JAM2: variants seen among roughly 807,000 people sequenced by gnomAD.
JAM2 encodes junctional adhesion molecule B.
In JAM2, 17 loss-of-function variants were observed where a neutral mutation model predicts 42.0. The observed-to-expected ratio is 0.40, with a 90% CI of 0.28 to 0.61. JAM2 has a LOEUF of 0.61. Ranked by LOEUF, JAM2 falls within the 20% of genes least tolerant of loss-of-function variation. The pLI is 0.37. For synonymous variants in JAM2, 118 were observed against 128.6 expected, an observed-to-expected ratio of 0.92 and a Z score of 0.56; for missense variants, 319 against 358.3, an observed-to-expected ratio of 0.89 and a Z score of 0.89.
At chr21:25,702,118 T>A in intron 5 of JAM2, 52 bp from the exon 6 acceptor site, 1 of 961,052 alleles carries the variant, frequency 1.0e-6, no homozygotes, top group African/African-American at 1.6e-5. Context: ...ATTTAAAAAG[T>A]CTACTTATAG....
In JAM2 at chr21:25,641,392, G is replaced by A. The variant is rs200941886; in HGVS notation, c.67+1504G>A. Among the ~76,000 whole-genome samples, 4 of 152,186 alleles carry A rather than the reference G, an allele frequency of 2.6e-5. No individual in the cohort carries two copies. The East Asian group carries it at 7.7e-4, about 29-fold the overall frequency. The stretch of plus-strand genomic sequence containing the variant: ...ACACCCCAAGTCTGAAATTGTAGTG[G>A]AGAAACAACCAAGAGGCGAACAAAA... On this transcript the variant is annotated intron_variant, in intron 1 of 9. Coordinates refer to ENST00000480456, the MANE Select transcript of JAM2 (RefSeq NM_021219.4).
intron 1 of JAM2, among the ~76,000 whole-genome samples, chr21:25,668,079 T>A (rs145853805): frequency 6.6e-6 from 1 of 151,968 alleles, no homozygotes; most frequent in Non-Finnish European, 1.5e-5. Context: ...GTCTTTCAGA[T>A]GGAGGAAACA....
intron 2 of JAM2, among the ~76,000 whole-genome samples, chr21:25,689,272 A>G (rs2123378774): frequency 6.6e-6 from 1 of 152,292 alleles, no homozygotes; most frequent in South Asian, 2.1e-4. Flanking sequence ...ATAGGTATTA[A>G]TGTATTTGTA....
intron 1 of JAM2, among the ~76,000 whole-genome samples, chr21:25,651,738 G>T (rs1466322292): frequency 6.6e-6 from 1 of 152,170 alleles, no homozygotes; most frequent in Non-Finnish European, 1.5e-5. Flanking sequence ...GAAAACAAAT[G>T]CCCATTTATA....
intron 1 of JAM2, among the ~76,000 whole-genome samples, chr21:25,680,474 G>A (rs1434532339): frequency 6.6e-6 from 1 of 152,352 alleles, no homozygotes; most frequent in African/African-American, 2.4e-5. Flanking sequence ...CAGCACCTAA[G>A]TTTCTGGTGT....
At chr21:25,667,364 G>A (rs1204815793) in intron 1 of JAM2, among the ~76,000 whole-genome samples, 3 of 152,104 alleles carry the variant, frequency 2.0e-5, no homozygotes, top group Admixed American at 2.0e-4. Flanking sequence ...GCTACCTCAC[G>A]ATGCCTGTTA....
At chr21:25,693,612 C>T (rs2033930523) in intron 3 of JAM2, 144 bp from the exon 4 acceptor site, 3 of 678,230 alleles carry the variant, frequency 4.4e-6, no homozygotes, top group Non-Finnish European at 7.2e-6. Flanking sequence ...ATAACAGCAT[C>T]TATATACAAC....
chr21:25,682,858 G>T (rs756745822), intron 1 of JAM2, among the ~76,000 whole-genome samples: 1 of 151,874 alleles, frequency 6.6e-6, no homozygotes. Context: ...TCCAGAGGCC[G>T]AATACTTCTC....
intron 5 of JAM2, among the ~76,000 whole-genome samples, chr21:25,701,396 TCTCC>T (rs1391801557): frequency 6.6e-6 from 1 of 151,258 alleles, no homozygotes; most frequent in Non-Finnish European, 1.5e-5. Context: ...TTCCTTCCTT[TCTCC>T]CTCTCTCCCT....
chr21:25,687,091 G>C (rs1237086399), intron 2 of JAM2, among the ~76,000 whole-genome samples: 3 of 151,960 alleles, frequency 2.0e-5, no homozygotes, highest in Admixed American at 6.5e-5. Flanking sequence ...TTTCAAATTG[G>C]AGTGATTTAT....
At chr21:25,655,136 A>G (rs2032894343) in intron 1 of JAM2, among the ~76,000 whole-genome samples, 2 of 152,182 alleles carry the variant, frequency 1.3e-5, no homozygotes, top group African/African-American at 2.4e-5. Flanking sequence ...AAAGACAATT[A>G]TTTGATATAT....
At chr21:25,692,006 C>CA (rs71327958) in intron 3 of JAM2, among the ~76,000 whole-genome samples, 53,599 of 140,288 alleles carry the variant, frequency 0.38, 10,303 homozygotes, top group East Asian at 0.53. Flanking sequence ...AAGACTGTCT[C>CA]AAAAAAAAAA....
At chr21:25,659,355 A>G (rs1259798970) in intron 1 of JAM2, among the ~76,000 whole-genome samples, 4 of 152,048 alleles carry the variant, frequency 2.6e-5, no homozygotes, top group Admixed American at 6.5e-5. Context: ...CTAAATTTCA[A>G]TTATGTGTTA....
At chr21:25,662,936 C>T (rs374423719) in intron 1 of JAM2, among the ~76,000 whole-genome samples, 4 of 152,186 alleles carry the variant, frequency 2.6e-5, no homozygotes, top group African/African-American at 7.2e-5. Context: ...ACATGTAAAA[C>T]ATCCTAATTT....
intron 1 of JAM2, among the ~76,000 whole-genome samples, chr21:25,662,777 T>C (rs2033122343): frequency 6.6e-6 from 1 of 152,238 alleles, no homozygotes; most frequent in African/African-American, 2.4e-5. Context: ...AAGAAGTTTA[T>C]ACATTTGATT....
At chr21:25,640,009 G>T in intron 1 of JAM2, 121 bp downstream of exon 1, 1 of 627,538 alleles carries the variant, frequency 1.6e-6, no homozygotes. Flanking sequence ...GCCGCGGGGC[G>T]TCTGACCTTG....
intron 6 of JAM2, among the ~76,000 whole-genome samples, chr21:25,704,178 G>A (rs1444752572): frequency 6.6e-6 from 1 of 151,844 alleles, no homozygotes; most frequent in Non-Finnish European, 1.5e-5. Flanking sequence ...TTCACTTACT[G>A]ATTTGACTTT....
chr21:25,644,836 A>T (rs547752855), intron 1 of JAM2, among the ~76,000 whole-genome samples: 1 of 150,914 alleles, frequency 6.6e-6, no homozygotes, highest in South Asian at 2.1e-4. Flanking sequence ...AGTATAACTC[A>T]TAGTGATATA....
intron 1 of JAM2, among the ~76,000 whole-genome samples, chr21:25,654,670 T>A (rs1243933290): frequency 5.6e-4 from 69 of 123,564 alleles, no homozygotes; most frequent in African/African-American, 1.6e-3. Flanking sequence ...AAAAAAAAAA[T>A]TGGAAGCACA....
Sources: allele counts gnomAD v4.1 joint callset (sites outside exome capture counted in the v4.1 genomes callset), GRCh38; gene constraint gnomAD v4.1.1; transcripts MANE v1.5; gene names NCBI Gene and HGNC (gene_info 2026-07-23, HGNC 2026-07-21).